The following DROSHA variants were observed in gnomAD, a reference collection of about 807,000 sequenced individuals.
The protein encoded by DROSHA is drosha ribonuclease III.
In DROSHA, 56 loss-of-function variants were observed where a neutral mutation model predicts 181.9. The observed-to-expected ratio is 0.31, with a 90% CI of 0.25 to 0.38. DROSHA has a LOEUF of 0.38. DROSHA is among the 10% of genes least tolerant of loss of function. The pLI is 1.00. For synonymous variants in DROSHA, 524 were observed against 591.2 expected, an observed-to-expected ratio of 0.89 and a Z score of 1.65; for missense variants, 1,218 against 1,743.5, an observed-to-expected ratio of 0.70 and a Z score of 5.37.
At chr5:31,518,571 G>A (rs537359004) in intron 6 of DROSHA, among the ~76,000 whole-genome samples, 55 of 152,210 alleles carry the variant, frequency 3.6e-4, no homozygotes, top group African/African-American at 1.2e-3. Flanking sequence ...AGGTAATAAC[G>A]GCAACTCTTA....
At chr5:31,426,532 A>G (rs1743494164) in intron 27 of DROSHA, among the ~76,000 whole-genome samples, 1 of 152,170 alleles carries the variant, frequency 6.6e-6, no homozygotes, top group East Asian at 1.9e-4. Context: ...TAAAGCTTCA[A>G]AGAGGAGATG....
rs1176462538 is a variant in DROSHA at position 31,426,030 on chromosome 5, G to A, written c.3217-1559C>T. Among the ~76,000 whole-genome samples, 3 of 151,896 alleles carry A rather than the reference G, an allele frequency of 2.0e-5. No individual in the cohort carries two copies. In the East Asian group the frequency reaches 5.8e-4, roughly 29 times the overall value. On this transcript the variant is annotated intron_variant, in intron 27 of 35. Coordinates refer to ENST00000344624, the MANE Select transcript of DROSHA (RefSeq NM_001382508.1). ...CTTCCAACCAACCCCAGTCTCCAAG[G>A]CTCAAAATTCCCAGGGATCTTGATT... is the stretch of plus-strand genomic sequence containing the variant.
At chr5:31,515,325 AT>A in intron 7 of DROSHA, 106 bp from the exon 8 acceptor site, 1 of 1,259,588 alleles carries the variant, frequency 7.9e-7, no homozygotes, top group Non-Finnish European at 1.1e-6. Flanking sequence ...TATGAATACC[AT>A]GCCAAATCAC....
At chr5:31,464,387 G>A (rs1580184633) in intron 19 of DROSHA, 44 bp from the exon 20 acceptor site, 2 of 1,544,348 alleles carry the variant, frequency 1.3e-6, no homozygotes, top group East Asian at 4.5e-5. Flanking sequence ...CTGCTATAAA[G>A]CAATAGTAAG....
At chr5:31,406,281 G>T (rs991086427) in intron 34 of DROSHA, among the ~76,000 whole-genome samples, 1 of 152,098 alleles carries the variant, frequency 6.6e-6, no homozygotes, top group Non-Finnish European at 1.5e-5. Flanking sequence ...GCTGAGGGGG[G>T]GTTGGGACCA....
chr5:31,432,488 C>T (rs543468611), intron 25 of DROSHA, among the ~76,000 whole-genome samples: 1 of 152,176 alleles, frequency 6.6e-6, no homozygotes, highest in Non-Finnish European at 1.5e-5. Flanking sequence ...CTTCAAAATG[C>T]CTTACACTTC....
intron 25 of DROSHA, among the ~76,000 whole-genome samples, chr5:31,434,183 G>A (rs1328908452): frequency 2.0e-5 from 3 of 152,202 alleles, no homozygotes; most frequent in Admixed American, 6.5e-5. Flanking sequence ...CACCCAATGG[G>A]TTATATAATA....
intron 16 of DROSHA, among the ~76,000 whole-genome samples, chr5:31,473,328 GAA>G (rs894083309): frequency 2.0e-5 from 3 of 152,202 alleles, no homozygotes; most frequent in African/African-American, 7.2e-5. Context: ...ATGTCTGAGA[GAA>G]AAGAGAGAAA....
intron 20 of DROSHA, among the ~76,000 whole-genome samples, chr5:31,455,196 TGAAAAA>T (rs1240119096): frequency 6.6e-6 from 1 of 151,778 alleles, no homozygotes; most frequent in East Asian, 1.9e-4. Flanking sequence ...ATAGTGCTTT[TGAAAAA>T]TAGAAATGAA....
intron 5 of DROSHA, among the ~76,000 whole-genome samples, chr5:31,525,815 G>GTA (rs1396629687): frequency 6.6e-5 from 10 of 152,156 alleles, no homozygotes; most frequent in African/African-American, 2.4e-4. Flanking sequence ...AATGTCAACT[G>GTA]TATTATGCAG....
chr5:31,526,834 G>A lies in DROSHA; in HGVS notation c.99C>T (p.Ser33=), dbSNP rs1387739611. The part of the protein sequence containing the change: ...GGHGARPSAP[S]FRPQNLRLLH... ...GCAGCCTCAGATTTTGGGGCCTAAA[G>A]GATGGTGCTGAGGGTCTGGCTCCAT... is the stretch of plus-strand genomic sequence containing the variant. Residue 33 remains serine, a synonymous_variant, in exon 5 of 36, where the codon TCC becomes TCT. Coordinates refer to ENST00000344624, the MANE Select transcript of DROSHA (RefSeq NM_001382508.1). 1.2e-6 allele frequency: 2 copies of A among 1,613,314 alleles called. No individual in the cohort carries two copies. The highest frequency in any genetic ancestry group is 1.7e-5 in the Admixed American group (1 of 59,980).
intron 28 of DROSHA, among the ~76,000 whole-genome samples, chr5:31,423,731 A>G (rs1432539924): frequency 6.6e-6 from 1 of 152,136 alleles, no homozygotes; most frequent in East Asian, 1.9e-4. Context: ...ACCACTTCTT[A>G]CATTTATTTT....
At chr5:31,501,741 T>C (rs1753596568) in intron 11 of DROSHA, among the ~76,000 whole-genome samples, 1 of 152,156 alleles carries the variant, frequency 6.6e-6, no homozygotes, top group Admixed American at 6.5e-5. Flanking sequence ...AATGGGTTAT[T>C]TTCTATCCCA....
At chr5:31,526,949 A>T (rs1466646472) in intron 4 of DROSHA, 37 bp from the exon 5 acceptor site, 10 of 1,567,588 alleles carry the variant, frequency 6.4e-6, no homozygotes, top group South Asian at 2.3e-5. Context: ...AAGTTTTTTT[A>T]AAAAATAATT....
At chr5:31,473,908 G>A (rs1169570526) in intron 16 of DROSHA, among the ~76,000 whole-genome samples, 2 of 152,138 alleles carry the variant, frequency 1.3e-5, no homozygotes, top group South Asian at 2.1e-4. Flanking sequence ...AAGCTTTACC[G>A]CTCATTAAGA....
At chr5:31,482,765 GA>G (rs1317755336) in intron 16 of DROSHA, among the ~76,000 whole-genome samples, 1 of 31,398 alleles carries the variant, frequency 3.2e-5, no homozygotes, top group Non-Finnish European at 1.6e-4. Flanking sequence ...AAGCCTCAAG[GA>G]GAAAGATTTG....
chr5:31,461,402 C>T (rs1471169722), intron 20 of DROSHA, among the ~76,000 whole-genome samples: 3 of 152,090 alleles, frequency 2.0e-5, no homozygotes, highest in African/African-American at 7.2e-5. Context: ...TTAAAATGTA[C>T]CCAGAAGTTC....
At chr5:31,486,217 C>T (rs541818897) in intron 14 of DROSHA, among the ~76,000 whole-genome samples, 2 of 152,154 alleles carry the variant, frequency 1.3e-5, no homozygotes, top group African/African-American at 4.8e-5. Context: ...CTGTCCCCTA[C>T]GTAAAAGAAA....
At chr5:31,503,901 T>C (rs1159298722) in intron 11 of DROSHA, among the ~76,000 whole-genome samples, 2 of 152,222 alleles carry the variant, frequency 1.3e-5, no homozygotes, top group Admixed American at 6.5e-5. Context: ...AAACAAGTTT[T>C]AAATAGAAAT....
Sources: allele counts gnomAD v4.1 joint callset (sites outside exome capture counted in the v4.1 genomes callset), GRCh38; gene constraint gnomAD v4.1.1; transcripts MANE v1.5; gene names NCBI Gene and HGNC (gene_info 2026-07-23, HGNC 2026-07-21).